The following TSPAN18 variants were observed in gnomAD, a reference collection of about 807,000 sequenced individuals.
The protein encoded by TSPAN18 is tetraspanin-18.
TSPAN18 carries 14 observed loss-of-function variants against 27.3 expected under a neutral mutation model. That is an observed-to-expected ratio of 0.51 (90% CI 0.34 to 0.80). The LOEUF is 0.80. TSPAN18 is among the 30% of genes least tolerant of loss of function. The pLI is 0.01. For missense variants in TSPAN18, 268 were observed against 323.9 expected (o/e 0.83, Z 1.32); for synonymous variants, 143 against 136.5 (o/e 1.05, Z -0.33).
At chr11:44,747,683 C>T (rs935204776) in intron 1 of TSPAN18, among the ~76,000 whole-genome samples, 2 of 152,050 alleles carry the variant, frequency 1.3e-5, no homozygotes, top group Non-Finnish European at 2.9e-5. Context: ...CCAAATGTTT[C>T]TCCTCCCCCC....
At chr11:44,880,762 A>C (rs1450357516) in intron 3 of TSPAN18, among the ~76,000 whole-genome samples, 1 of 152,274 alleles carries the variant, frequency 6.6e-6, no homozygotes, top group Non-Finnish European at 1.5e-5. Context: ...GTTGGACTCA[A>C]GGACCTCTGA....
Position 44,920,000 on chromosome 11 carries a change from G to T in TSPAN18, c.615+1G>T. 1 of 1,612,088 alleles carries T rather than the reference G, an allele frequency of 6.2e-7. No homozygotes were observed. The highest frequency in any genetic ancestry group is 8.5e-7 in the Non-Finnish European group (1 of 1,178,942). ...AAGGAGCCTATTCCTAAACAAGCAGGTACTGGCCCTGCTCTCCAGACAGGG... is the reference window on the plus strand; with the variant it reads ...AAGGAGCCTATTCCTAAACAAGCAGTTACTGGCCCTGCTCTCCAGACAGGG... On this transcript the variant is annotated splice_donor_variant, in intron 8 of 9. Coordinates refer to ENST00000520358, the MANE Select transcript of TSPAN18 (RefSeq NM_130783.5). LOFTEE classifies it high-confidence loss of function.
chr11:44,922,834 C>T (rs975515396), intron 8 of TSPAN18, among the ~76,000 whole-genome samples: 1 of 152,100 alleles, frequency 6.6e-6, no homozygotes, highest in African/African-American at 2.4e-5. Flanking sequence ...GGAGGCCAGG[C>T]ACGTTGGCTC....
intron 2 of TSPAN18, among the ~76,000 whole-genome samples, chr11:44,805,385 C>T (rs1172972666): frequency 6.6e-6 from 1 of 152,170 alleles, no homozygotes; most frequent in Non-Finnish European, 1.5e-5. Flanking sequence ...TAAGCTGCTT[C>T]CACAGAGGCA....
chr11:44,804,149 G>A (rs1465290418), intron 2 of TSPAN18, among the ~76,000 whole-genome samples: 1 of 151,828 alleles, frequency 6.6e-6, no homozygotes, highest in Non-Finnish European at 1.5e-5. Context: ...GTCGCCCAGA[G>A]CTGGAGTGCA....
At chr11:44,862,035 T>C (rs1413797770) in intron 3 of TSPAN18, among the ~76,000 whole-genome samples, 1 of 152,162 alleles carries the variant, frequency 6.6e-6, no homozygotes, top group African/African-American at 2.4e-5. Flanking sequence ...CACTCCTTCA[T>C]GGCTGAGGGG....
intron 5 of TSPAN18, among the ~76,000 whole-genome samples, chr11:44,916,883 G>T (rs559686223): frequency 3.9e-5 from 6 of 152,238 alleles, no homozygotes; most frequent in Non-Finnish European, 7.3e-5. Flanking sequence ...GGTGACAACG[G>T]ACTTTGTCAA....
intron 1 of TSPAN18, among the ~76,000 whole-genome samples, chr11:44,755,583 C>G (rs1855312881): frequency 6.6e-6 from 1 of 152,186 alleles, no homozygotes; most frequent in Non-Finnish European, 1.5e-5. Flanking sequence ...CCTTGGCTCT[C>G]CTCCCTCTCC....
At chr11:44,907,001 A>G (rs1437746722) in intron 4 of TSPAN18, among the ~76,000 whole-genome samples, 1 of 152,262 alleles carries the variant, frequency 6.6e-6, no homozygotes, top group Non-Finnish European at 1.5e-5. Flanking sequence ...TCTGAACCTC[A>G]GTATCTTCAT....
intron 1 of TSPAN18, among the ~76,000 whole-genome samples, chr11:44,763,281 T>TG (rs1394954185): frequency 3.3e-5 from 5 of 152,182 alleles, no homozygotes; most frequent in Non-Finnish European, 7.3e-5. Flanking sequence ...CTGTAAGTTT[T>TG]GCTCTTATTT....
At chr11:44,750,213 CTG>C (rs377163859) in intron 1 of TSPAN18, among the ~76,000 whole-genome samples, 3 of 152,304 alleles carry the variant, frequency 2.0e-5, no homozygotes, top group African/African-American at 7.2e-5. Flanking sequence ...GAGGGCTTTC[CTG>C]TGTTTCTTTT....
chr11:44,797,043 A>AT (rs1004273439), intron 2 of TSPAN18, among the ~76,000 whole-genome samples: 2 of 151,946 alleles, frequency 1.3e-5, no homozygotes, highest in African/African-American at 4.8e-5. Context: ...ACCTGTGGAG[A>AT]TTTTTTCCTT....
intron 3 of TSPAN18, chr11:44,897,790 G>A (rs749046157): frequency 6.8e-5 from 88 of 1,289,236 alleles, no homozygotes; most frequent in East Asian, 1.1e-4. Context: ...CCTCGCTGAC[G>A]GGAGAGTCTG....
At chr11:44,792,339 G>A (rs1856246262) in intron 2 of TSPAN18, among the ~76,000 whole-genome samples, 1 of 152,172 alleles carries the variant, frequency 6.6e-6, no homozygotes, top group Admixed American at 6.5e-5. Flanking sequence ...AGAGGGGACC[G>A]CAGGCACGCA....
In TSPAN18 at chr11:44,875,994, G is replaced by T. The variant is rs537443602; in HGVS notation, c.-11+15525G>T. Among the ~76,000 whole-genome samples, 35 of 152,286 alleles carry T rather than the reference G, an allele frequency of 2.3e-4. No individual in the cohort carries two copies. The East Asian group carries it at 6.4e-3, about 28-fold the overall frequency. ...ACCCCAGGTGGTGGGCCCTGTGGGA[G>T]CCAGGCCTCCAACCAACTGGTCAGG... On this transcript the variant is annotated intron_variant, in intron 3 of 9. Transcript: ENST00000520358.
intron 2 of TSPAN18, among the ~76,000 whole-genome samples, chr11:44,831,229 A>G (rs886391428): frequency 1.3e-5 from 2 of 152,208 alleles, no homozygotes; most frequent in Non-Finnish European, 2.9e-5. Context: ...GGTCCAGGGA[A>G]CAGAAAAGCA....
In TSPAN18 at chr11:44,858,353, CAG is replaced by C. The variant is rs1396029171; in HGVS notation, c.-152-1974_-152-1973del. 4.6e-5 allele frequency among the ~76,000 whole-genome samples: 7 copies of C among 151,696 alleles called. No individual in the cohort carries two copies. In the East Asian group the frequency reaches 1.4e-3, roughly 29 times the overall value. On this transcript the variant is annotated intron_variant, in intron 2 of 9. Transcript: ENST00000520358. The stretch of plus-strand genomic sequence containing the variant: ...GCCTTCACATGCTCACGGGTGTTAT[CAG>C]GGGAATTAGAGGAGGAGAAGCTCCT...
Position 44,909,830 on chromosome 11 carries a change from C to T in TSPAN18, c.189C>T (p.Gly63=). The T allele has an allele frequency of 6.2e-7, 1 of 1,614,086 alleles. No homozygotes were observed. The highest frequency in any genetic ancestry group is 1.6e-4 in the Middle Eastern group (1 of 6,062). The change falls in exon 5 of 10, where the codon GGC becomes GGT. Residue 63 remains glycine (G), a synonymous_variant. Transcript: ENST00000520358. The part of the protein sequence containing the change: ...TGAYILLAMG[G]LLFLLGFLGC... ...CCTACATCCTCCTGGCCATGGGGGG[C>T]CTGCTCTTTCTGCTCGGCTTCCTGG...
At chr11:44,870,065 CTATTT>C (rs1858151317) in intron 3 of TSPAN18, among the ~76,000 whole-genome samples, 1 of 152,132 alleles carries the variant, frequency 6.6e-6, no homozygotes, top group Non-Finnish European at 1.5e-5. Flanking sequence ...GCCCTTGTTC[CTATTT>C]TATTTTTTAA....
Sources: gnomAD v4.1 joint callset for allele counts (sites outside exome capture counted in the v4.1 genomes callset) on GRCh38, gnomAD v4.1.1 for gene constraint, MANE v1.5 for transcripts, NCBI Gene and HGNC (gene_info 2026-07-23, HGNC 2026-07-21) for gene names.